Variants in NAA15 observed in about 807,000 individuals in gnomAD.
NAA15 encodes the protein N-alpha-acetyltransferase 15, NatA auxiliary subunit, also known as N-terminal acetyltransferase.
NAA15 carries 34 observed loss-of-function variants against 114.0 expected under a neutral mutation model. The observed-to-expected ratio is 0.30, with a 90% confidence interval of 0.23 to 0.40. NAA15 has a LOEUF of 0.40. NAA15 is among the 10% of genes least tolerant of loss of function. NAA15 has a pLI of 1.00. For synonymous variants in NAA15, 340 were observed against 338.0 expected, an observed-to-expected ratio of 1.01 and a Z score of -0.06; for missense variants, 658 against 1,004.5, an observed-to-expected ratio of 0.66 and a Z score of 4.66.
intron 10 of NAA15, among the ~76,000 whole-genome samples, chr4:139,354,425 T>C (rs1747875391): frequency 6.6e-6 from 1 of 151,944 alleles, no homozygotes; most frequent in Admixed American, 6.6e-5. Flanking sequence ...CTGTCCTCTG[T>C]GTAGCTGGGA....
chr4:139,371,929 T>G (rs1295125882), intron 15 of NAA15, among the ~76,000 whole-genome samples: 1 of 152,202 alleles, frequency 6.6e-6, no homozygotes, highest in Non-Finnish European at 1.5e-5. Flanking sequence ...TTTGTTTGTT[T>G]GTTTGAGGTG....
chr4:139,338,783 C>T (rs1174458357), intron 3 of NAA15, among the ~76,000 whole-genome samples: 1 of 150,770 alleles, frequency 6.6e-6, no homozygotes, highest in Non-Finnish European at 1.5e-5. Context: ...TTGAGGACCT[C>T]TGGCCTAAAA....
chr4:139,378,000 C>T (rs893654157), intron 16 of NAA15, among the ~76,000 whole-genome samples: 8 of 152,084 alleles, frequency 5.3e-5, no homozygotes, highest in East Asian at 3.9e-4. Flanking sequence ...TGCAGTTGTA[C>T]GAAATTGGTA....
At chr4:139,337,020 C>G in intron 3 of NAA15, 68 bp downstream of exon 3, 3 of 974,710 alleles carry the variant, frequency 3.1e-6, no homozygotes, top group Non-Finnish European at 4.5e-6. Context: ...ATTTGAGAGT[C>G]AAAGTTTTAG....
At chr4:139,343,081 T>TA in intron 5 of NAA15, 121 bp downstream of exon 5, 1 of 848,244 alleles carries the variant, frequency 1.2e-6, no homozygotes, top group Non-Finnish European at 1.8e-6. Context: ...GTTGCAGGAA[T>TA]AGCACAAAGA....
intron 1 of NAA15, among the ~76,000 whole-genome samples, chr4:139,330,806 G>T (rs1315213521): frequency 6.6e-6 from 1 of 152,154 alleles, no homozygotes; most frequent in Non-Finnish European, 1.5e-5. Context: ...GTGAGATCCT[G>T]TCTCAAAGCA....
chr4:139,383,367 T>C (rs1579140603), intron 17 of NAA15, among the ~76,000 whole-genome samples: 1 of 152,336 alleles, frequency 6.6e-6, no homozygotes, highest in East Asian at 1.9e-4. Flanking sequence ...GACTCTCTCT[T>C]TATACCAAAA....
chr4:139,364,308 GTC>G (rs1414720654), intron 14 of NAA15, among the ~76,000 whole-genome samples: 1 of 151,786 alleles, frequency 6.6e-6, no homozygotes, highest in East Asian at 1.9e-4. Context: ...TGGCTTCTAG[GTC>G]TTGCTTAGAA....
In NAA15 at chr4:139,349,308, G is replaced by A. The variant is rs149407915; in HGVS notation, c.692-154G>A. Among the ~76,000 whole-genome samples the A allele has an allele frequency of 7.8e-4, 118 of 152,138 alleles. No individual in the cohort carries two copies. In the East Asian group the frequency reaches 0.022, roughly 28 times the overall value. Reference sequence around the variant, plus strand: ...AAGGAAGGAGACCATAACATAACTTGGTAAATGATCTTAAGGGAACTGGAA... The same window carrying A: ...AAGGAAGGAGACCATAACATAACTTAGTAAATGATCTTAAGGGAACTGGAA... On this transcript the variant is annotated intron_variant, in intron 6 of 19. Transcript: ENST00000296543.
chr4:139,336,806 T>G (rs1445007741), intron 2 of NAA15, 42 bp from the exon 3 acceptor site: 2 of 1,202,124 alleles, frequency 1.7e-6, no homozygotes, highest in African/African-American at 3.2e-5. Flanking sequence ...TTAATATTTA[T>G]TTTTTTAAAA....
At chr4:139,380,230 T>G (rs1384893419) in intron 17 of NAA15, among the ~76,000 whole-genome samples, 1 of 150,472 alleles carries the variant, frequency 6.6e-6, no homozygotes, top group East Asian at 2.0e-4. Flanking sequence ...ATTGCTGTAT[T>G]TAGTAGTTTG....
chr4:139,307,207 G>T (rs6812752), intron 1 of NAA15, among the ~76,000 whole-genome samples: 10,808 of 152,236 alleles, frequency 0.071, 1,280 homozygotes, highest in African/African-American at 0.25. Context: ...AGAATTTTCT[G>T]TGATGATGGA....
chr4:139,307,924 T>C (rs1481314365), intron 1 of NAA15, among the ~76,000 whole-genome samples: 2 of 152,092 alleles, frequency 1.3e-5, no homozygotes, highest in African/African-American at 2.4e-5. Flanking sequence ...GTAATACTTA[T>C]TAGGTGGCTG....
At chr4:139,374,348 T>C (rs1484746721) in intron 15 of NAA15, among the ~76,000 whole-genome samples, 1 of 152,170 alleles carries the variant, frequency 6.6e-6, no homozygotes, top group East Asian at 1.9e-4. Context: ...CAAAGAATAA[T>C]ATGCATAATG....
intron 3 of NAA15, among the ~76,000 whole-genome samples, chr4:139,340,658 T>C (rs1393259608): frequency 6.6e-6 from 1 of 152,240 alleles, no homozygotes; most frequent in Non-Finnish European, 1.5e-5. Context: ...ATGAGGAAAC[T>C]TAATGAGACT....
At chr4:139,347,018 C>T (rs1383459694) in intron 6 of NAA15, among the ~76,000 whole-genome samples, 2 of 151,958 alleles carry the variant, frequency 1.3e-5, no homozygotes, top group Non-Finnish European at 2.9e-5. Context: ...AATGATCCTC[C>T]CCCCAAACCC....
chr4:139,344,359 C>G lies in NAA15; in HGVS notation c.691+20C>G. 1.9e-6 allele frequency: 3 copies of G among 1,584,776 alleles called. No individual in the cohort carries two copies. Among genetic ancestry groups the G allele is most frequent in the Non-Finnish European group, 2.6e-6 (3 of 1,160,960 alleles). ...CCAAAGGTATTTTTAAAAGAATTGT[C>G]ATTTATTCTAATATTGAAATATGAC... On this transcript the variant is annotated intron_variant, in intron 6 of 19. Coordinates refer to ENST00000296543, the MANE Select transcript of NAA15 (RefSeq NM_057175.5).
chr4:139,342,665 G>T (rs1747447748), intron 4 of NAA15, among the ~76,000 whole-genome samples, 161 bp from the exon 5 acceptor site: 1 of 151,878 alleles, frequency 6.6e-6, no homozygotes, highest in Non-Finnish European at 1.5e-5. Context: ...GGCCAGGATG[G>T]TCTCGATCTC....
intron 1 of NAA15, among the ~76,000 whole-genome samples, chr4:139,310,665 C>CT: frequency 6.6e-6 from 1 of 151,698 alleles, no homozygotes; most frequent in South Asian, 2.1e-4. Context: ...GTCACTCAGC[C>CT]TAGCATGCAG....
Sources: gnomAD v4.1 joint callset for allele counts (sites outside exome capture counted in the v4.1 genomes callset) on GRCh38, gnomAD v4.1.1 for gene constraint, MANE v1.5 for transcripts, NCBI Gene and HGNC (gene_info 2026-07-23, HGNC 2026-07-21) for gene names.